The following SLC2A14 variants were observed in gnomAD, a reference collection of about 807,000 sequenced individuals.
SLC2A14 encodes the protein solute carrier family 2, facilitated glucose transporter member 14.
In SLC2A14, 13 loss-of-function variants were observed where a neutral mutation model predicts 43.0. That is an observed-to-expected ratio of 0.30 (90% confidence interval 0.20 to 0.48). The LOEUF is 0.48. SLC2A14 is among the 20% of genes least tolerant of loss of function. SLC2A14 has a pLI of 0.99. For synonymous variants in SLC2A14, 190 were observed against 233.8 expected, an observed-to-expected ratio of 0.81 and a Z score of 1.71; for missense variants, 428 against 620.4, an observed-to-expected ratio of 0.69 and a Z score of 3.29.
chr12:7,822,479 A>G, intron 7 of SLC2A14, among the ~76,000 whole-genome samples: 1 of 151,620 alleles, frequency 6.6e-6, no homozygotes, highest in Admixed American at 6.6e-5. Flanking sequence ...CATCCTGGCT[A>G]ACGTGGTGAA....
At chr12:7,817,278 G>C (rs1863532221) in intron 10 of SLC2A14, among the ~76,000 whole-genome samples, 1 of 151,964 alleles carries the variant, frequency 6.6e-6, no homozygotes, top group Admixed American at 6.6e-5. Context: ...ACCATGCCCG[G>C]CTAATTTTGC....
rs745602167 is a variant in SLC2A14, at chr12:7,881,888, T to G, written c.132+9108A>C. Reference sequence around the variant, plus strand: ...GGTTTGTGAATGCATCAATTGACACTCTCTATCTAGCTACTGTGATGGGGA... The same window carrying G: ...GGTTTGTGAATGCATCAATTGACACGCTCTATCTAGCTACTGTGATGGGGA... On this transcript the variant is annotated intron_variant, in intron 1 of 9. Transcript: ENST00000539924. Among the ~76,000 whole-genome samples, 58 of 152,212 alleles carry G rather than the reference T, an allele frequency of 3.8e-4. 1 individual carries two copies. The South Asian group carries it at 9.7e-3, about 26-fold the overall frequency.
At chr12:7,870,000 G>T in intron 1 of SLC2A14, 63 bp from the exon 2 acceptor site, 1 of 1,072,268 alleles carries the variant, frequency 9.3e-7, no homozygotes, top group Non-Finnish European at 1.3e-6. Context: ...TGAGGGAAGA[G>T]GCTGTGATTT....
At chr12:7,856,272 T>G (rs929758851) in intron 2 of SLC2A14, 2 of 152,052 alleles carry the variant, frequency 1.3e-5, no homozygotes, top group Admixed American at 6.6e-5. Flanking sequence ...GCTTTGCACA[T>G]CAGGTGTTGA....
At chr12:7,865,055 G>A (rs1432649553) in intron 2 of SLC2A14, among the ~76,000 whole-genome samples, 1 of 152,014 alleles carries the variant, frequency 6.6e-6, no homozygotes, top group East Asian at 1.9e-4. Context: ...CAAGTCTATT[G>A]GCCTCATTTT....
At chr12:7,876,756 A>G (rs1388166162), upstream of SLC2A14, among the ~76,000 whole-genome samples, 1 of 152,036 alleles carries the variant, frequency 6.6e-6, no homozygotes, top group East Asian at 1.9e-4. Flanking sequence ...TCTGTCAAAG[A>G]TTTTAAAACT....
intron 1 of SLC2A14, chr12:7,871,333 C>T: frequency 1.1e-6 from 1 of 929,178 alleles, no homozygotes; most frequent in Non-Finnish European, 1.4e-6. Context: ...AGGTGGAGTT[C>T]ACCTGCATCC....
intron 1 of SLC2A14, among the ~76,000 whole-genome samples, chr12:7,889,542 C>CCT (rs201690185): frequency 7.0e-6 from 1 of 142,752 alleles, no homozygotes; most frequent in Non-Finnish European, 1.5e-5. Context: ...CTGGTTCCCC[C>CCT]TTTTTTTTTT....
chr12:7,891,038 G>A (rs1484546696), exon 1 of SLC2A14: 2 of 1,535,020 alleles, frequency 1.3e-6, no homozygotes, highest in South Asian at 1.2e-5. Context: ...CCAGAGTGGA[G>A]GTCTGAGAAG....
intron 2 of SLC2A14, among the ~76,000 whole-genome samples, chr12:7,844,505 T>C (rs1866290414): frequency 6.6e-6 from 1 of 152,004 alleles, no homozygotes; most frequent in Non-Finnish European, 1.5e-5. Context: ...GGAATGAGAT[T>C]GCTGGGTTGC....
At chr12:7,869,518 T>TATAGCC (rs1430614001) in intron 2 of SLC2A14, among the ~76,000 whole-genome samples, 2 of 152,204 alleles carry the variant, frequency 1.3e-5, no homozygotes, top group African/African-American at 4.8e-5. Context: ...TTCACGCGTA[T>TATAGCC]ATAGCCATGG....
intron 7 of SLC2A14, among the ~76,000 whole-genome samples, chr12:7,826,850 CTTCCTTTCTT>C: frequency 9.9e-5 from 1 of 10,100 alleles, no homozygotes; most frequent in African/African-American, 1.8e-4. Flanking sequence ...TCCTTCCTTC[CTTCCTTTCTT>C]TTTTCTTTCT....
chr12:7,880,728 C>T lies in SLC2A14; in HGVS notation c.132+10268G>A, dbSNP rs1330383617. The stretch of plus-strand genomic sequence containing the variant: ...AAAAAAAAAAAAGAGAGAAATTGGC[C>T]GGGCGCAGTGGCTCATGCTTGTAAT... On this transcript the variant is annotated intron_variant, in intron 1 of 9. Coordinates refer to the SLC2A14 transcript ENST00000539924. Among the ~76,000 whole-genome samples the T allele has an allele frequency of 6.1e-5, 9 of 148,106 alleles. 1 individual carries two copies. The highest frequency in any genetic ancestry group is 2.1e-4 in the South Asian group (1 of 4,708).
In SLC2A14 at chr12:7,814,686, G is replaced by T. The variant is rs1474974232; in HGVS notation, c.1276-152C>A. The stretch of plus-strand genomic sequence containing the variant: ...AAGGTTTCTTCAGAGATTTACTTAT[G>T]ATTCTATTGCTAACTTACTATATTT... On this transcript the variant is annotated intron_variant, in intron 10 of 10. Coordinates refer to ENST00000431042, the MANE Select transcript of SLC2A14 (RefSeq NM_001286234.2). The T allele has an allele frequency of 1.0e-5, 9 of 904,016 alleles. No individual in the cohort carries two copies. In the East Asian group the frequency reaches 2.1e-4, roughly 21 times the overall value. The allele number at this position is 904,016 out of a possible 1,614,324, so 56.0% of individuals were successfully genotyped here.
At chr12:7,870,563 G>C (rs1015293935) in intron 1 of SLC2A14, among the ~76,000 whole-genome samples, 1 of 151,982 alleles carries the variant, frequency 6.6e-6, no homozygotes, top group South Asian at 2.1e-4. Flanking sequence ...AGTCTATTAG[G>C]AGGAGGAGAA....
intron 10 of SLC2A14, among the ~76,000 whole-genome samples, chr12:7,815,286 C>T (rs1000282057): frequency 4.6e-5 from 7 of 151,830 alleles, no homozygotes; most frequent in Non-Finnish European, 7.4e-5. Context: ...AGTGGTGGCA[C>T]GTGCCTGTAA....
chr12:7,833,618 T>G (rs36095965), intron 2 of SLC2A14, among the ~76,000 whole-genome samples: 37,974 of 151,850 alleles, frequency 0.25, 5,318 homozygotes, highest in Middle Eastern at 0.34. Context: ...CCATCTCTAC[T>G]AAAAATACAA....
chr12:7,835,677 CT>C (rs910107347), intron 2 of SLC2A14, among the ~76,000 whole-genome samples: 8 of 152,126 alleles, frequency 5.3e-5, no homozygotes, highest in Non-Finnish European at 1.2e-4. Context: ...GAACACAAGC[CT>C]TTAAACGCAT....
chr12:7,832,908 C>A, intron 2 of SLC2A14, 94 bp from the exon 3 acceptor site: 1 of 1,254,296 alleles, frequency 8.0e-7, no homozygotes. Flanking sequence ...TTAGGAGAAT[C>A]TGACCTATGA....
Sources: allele counts gnomAD v4.1 joint callset (sites outside exome capture counted in the v4.1 genomes callset), GRCh38; gene constraint gnomAD v4.1.1; transcripts MANE v1.5; gene names NCBI Gene and HGNC (gene_info 2026-07-23, HGNC 2026-07-21).